Variants in FAM53A observed in about 807,000 individuals in gnomAD.
FAM53A encodes protein FAM53A.
FAM53A carries 28 observed loss-of-function variants against 26.6 expected under a neutral mutation model. The observed-to-expected ratio is 1.05, with a 90% CI of 0.78 to 1.45. The LOEUF (loss-of-function observed/expected upper bound fraction) is 1.45. Among genes scored for constraint, FAM53A ranks in the 40% most tolerant of loss-of-function variants. FAM53A has a pLI of 0.00. For missense variants in FAM53A, 650 were observed against 575.8 expected (o/e 1.13, Z -1.32); for synonymous variants, 290 against 253.1 (o/e 1.15, Z -1.38).
At chr4:1,668,322 T>C (rs998026598) in intron 2 of FAM53A, among the ~76,000 whole-genome samples, 7 of 152,156 alleles carry the variant, frequency 4.6e-5, no homozygotes, top group Non-Finnish European at 1.0e-4. Context: ...GTATTTTTAG[T>C]AGAGACGGGG....
At chr4:1,619,648 C>T (rs895832321) in intron 1 of FAM53A, among the ~76,000 whole-genome samples, 5 of 152,290 alleles carry the variant, frequency 3.3e-5, no homozygotes, top group South Asian at 2.1e-4. Context: ...TCATCTCCAG[C>T]GTCTCTGACT....
the FAM53A span, among the ~76,000 whole-genome samples, chr4:1,612,494 CAT>C: frequency 7.2e-5 from 11 of 152,312 alleles, no homozygotes; most frequent in Non-Finnish European, 8.8e-5. Context: ...CACACACACA[CAT>C]GCTCACACAC....
chr4:1,635,569 C>T (rs1175854305), downstream of FAM53A, among the ~76,000 whole-genome samples: 1 of 152,160 alleles, frequency 6.6e-6, no homozygotes, highest in Non-Finnish European at 1.5e-5. Context: ...AGCCACTGTG[C>T]CCAGCTATTT....
intron 1 of FAM53A, among the ~76,000 whole-genome samples, chr4:1,634,624 A>G (rs7673774): frequency 0.39 from 60,002 of 152,048 alleles, 12,942 homozygotes; most frequent in African/African-American, 0.56. Context: ...GGGGCCAGGC[A>G]TGGTGGCTCA....
the FAM53A span, among the ~76,000 whole-genome samples, chr4:1,577,283 C>T: frequency 2.0e-5 from 3 of 152,200 alleles, no homozygotes; most frequent in African/African-American, 4.8e-5. Flanking sequence ...AGGACAGTGG[C>T]GAACCCAGGG....
intron 1 of FAM53A, among the ~76,000 whole-genome samples, chr4:1,677,526 T>G (rs946771038): frequency 1.5e-4 from 23 of 151,724 alleles, no homozygotes; most frequent in Non-Finnish European, 2.9e-4. Context: ...TCATGGGGGG[T>G]TTTAAATTAC....
intron 1 of FAM53A, among the ~76,000 whole-genome samples, chr4:1,634,018 C>T (rs1017143270): frequency 1.2e-4 from 18 of 152,030 alleles, no homozygotes; most frequent in Admixed American, 1.0e-3. Context: ...CCCGGGAGGA[C>T]CAGCAGAACA....
chr4:1,616,393 T>C (rs111991275), downstream of FAM53A, among the ~76,000 whole-genome samples: 4 of 148,562 alleles, frequency 2.7e-5, no homozygotes, highest in African/African-American at 1.0e-4. Context: ...GCCAAGCAAG[T>C]TGGCGCCCAG....
At chr4:1,624,357 T>C (rs1715186814) in intron 1 of FAM53A, among the ~76,000 whole-genome samples, 1 of 152,058 alleles carries the variant, frequency 6.6e-6, no homozygotes, top group Admixed American at 6.5e-5. Flanking sequence ...CCCTGCTTCA[T>C]AGTGGAGAAA....
chr4:1,628,064 G>C (rs76195506), intron 1 of FAM53A, among the ~76,000 whole-genome samples: 17 of 98,628 alleles, frequency 1.7e-4, no homozygotes, highest in South Asian at 8.0e-4. Flanking sequence ...TCAGGGGGTG[G>C]GTGGCATGAA....
the FAM53A span, among the ~76,000 whole-genome samples, chr4:1,594,572 G>A: frequency 6.6e-6 from 1 of 152,236 alleles, no homozygotes; most frequent in African/African-American, 2.4e-5. Flanking sequence ...GCCAGGTGCA[G>A]TGGCTTACGC....
At chr4:1,635,913 G>A (rs920612245), downstream of FAM53A, among the ~76,000 whole-genome samples, 3 of 139,584 alleles carry the variant, frequency 2.1e-5, no homozygotes, top group South Asian at 4.5e-4. Context: ...GCGCGATCTC[G>A]GCTCACTGCA....
intron 1 of FAM53A, among the ~76,000 whole-genome samples, chr4:1,679,021 T>C (rs1406793883): frequency 6.6e-6 from 1 of 152,148 alleles, no homozygotes; most frequent in African/African-American, 2.4e-5. Flanking sequence ...AATTGTTATG[T>C]TGAACTTCAT....
At chr4:1,627,994 G>T in intron 1 of FAM53A, among the ~76,000 whole-genome samples, 1 of 137,216 alleles carries the variant, frequency 7.3e-6, no homozygotes, top group Non-Finnish European at 1.6e-5. Flanking sequence ...GATTCCATAG[G>T]CCCTGGGGTC....
intron 2 of FAM53A, 53 bp downstream of exon 2, chr4:1,668,614 T>G: frequency 1.3e-6 from 2 of 1,596,118 alleles, no homozygotes; most frequent in Non-Finnish European, 1.7e-6. Context: ...GCCATTCCCC[T>G]GTGACAGCAC....
At chr4:1,658,883 G>T (rs537909544) in intron 2 of FAM53A, among the ~76,000 whole-genome samples, 2 of 152,366 alleles carry the variant, frequency 1.3e-5, no homozygotes, top group South Asian at 4.1e-4. Context: ...CAAGGACACG[G>T]CTGTCCCGCA....
intron 2 of FAM53A, among the ~76,000 whole-genome samples, chr4:1,667,512 C>T (rs115320207): frequency 0.011 from 1,651 of 152,226 alleles, 29 homozygotes; most frequent in African/African-American, 0.038. Flanking sequence ...CCAGGCCCCA[C>T]AAGCAGTGCT....
At chr4:1,638,107 G>A (rs531674804), downstream of FAM53A, among the ~76,000 whole-genome samples, 1 of 152,118 alleles carries the variant, frequency 6.6e-6, no homozygotes, top group Non-Finnish European at 1.5e-5. Context: ...ATCCACACGA[G>A]GCAGCAGGCC....
rs919378855 is a variant in FAM53A, at chr4:1,645,399, C to T, written c.883-3792G>A. Among the ~76,000 whole-genome samples the T allele has an allele frequency of 5.3e-5, 8 of 152,324 alleles. No individual in the cohort carries two copies. In the South Asian group the frequency reaches 1.0e-3, roughly 20 times the overall value. On this transcript the variant is annotated intron_variant, in intron 4 of 4. Transcript: ENST00000308132. ...AGAAGAGAGGGTTATTAGGAAAGTA[C>T]GGACTGGAGCATTCTAGACAGGGGA...
Sources: gnomAD v4.1 joint callset for allele counts (sites outside exome capture counted in the v4.1 genomes callset) on GRCh38, gnomAD v4.1.1 for gene constraint, MANE v1.5 for transcripts, NCBI Gene and HGNC (gene_info 2026-07-23, HGNC 2026-07-21) for gene names.